The following PRB2 variants were observed in gnomAD, a reference collection of about 807,000 sequenced individuals.
The protein encoded by PRB2 is basic salivary proline-rich protein 2.
In PRB2, 12 loss-of-function variants were observed where a neutral mutation model predicts 8.3. That is an observed-to-expected ratio of 1.45 (90% CI 0.93 to 2.35). The LOEUF (loss-of-function observed/expected upper bound fraction) is 2.35, where lower values mean the gene tolerates loss of function less well. Among genes scored for constraint, PRB2 ranks in the 30% most tolerant of loss-of-function variants. PRB2 has a pLI of 0.00. For missense variants in PRB2, 470 were observed against 507.0 expected, an observed-to-expected ratio of 0.93 and a Z score of 0.70; for synonymous variants, 146 against 180.0, an observed-to-expected ratio of 0.81 and a Z score of 1.51.
chr12:11,394,702 A>C (rs1864383122), intron 1 of PRB2, among the ~76,000 whole-genome samples, 172 bp from the exon 2 acceptor site: 1 of 152,170 alleles, frequency 6.6e-6, no homozygotes, highest in South Asian at 2.1e-4. Flanking sequence ...AAGGGGAGGC[A>C]GGGTTGTTAT....
In PRB2 at chr12:11,393,154, G is replaced by A. The variant is rs781467440; in HGVS notation, c.924C>T (p.Pro308=). Reference sequence around the variant, plus strand: ...CTTGAGGCTGGTTGCCTCCTTGTGGGGGTGGTCCTTGTGGCTTTCCTGGAG... The same window carrying A: ...CTTGAGGCTGGTTGCCTCCTTGTGGAGGTGGTCCTTGTGGCTTTCCTGGAG... The part of the protein sequence containing the change: ...RSPPGKPQGP[P]PQGGNQPQGP... Residue 308 remains proline, a synonymous_variant, in exon 3 of 4, where the codon CCC becomes CCT. Coordinates refer to ENST00000389362, the MANE Select transcript of PRB2 (RefSeq NM_006248.4). 3.1e-6 allele frequency: 5 copies of A among 1,597,670 alleles called. 1 individual carries two copies. The South Asian group carries it at 5.6e-5, about 18-fold the overall frequency.
At position 11,392,974 on chromosome 12, in the gene PRB2, T is replaced by C. The variant is rs767957287; in HGVS notation, c.1104A>G (p.Gly368=). The change falls in exon 3 of 4, where the codon GGA becomes GGG. Residue 368 remains glycine, a synonymous_variant. Coordinates refer to ENST00000389362, the MANE Select transcript of PRB2 (RefSeq NM_006248.4). The part of the protein sequence containing the change: ...SARSPPGKPQ[G]PPQQEGNNPQ... ...GATTGTTGCCTTCTTGTTGGGGTGG[T>C]CCTTGTGGCTTTCCTGGAGGAGATC... 1 of 1,612,352 alleles carries C rather than the reference T, an allele frequency of 6.2e-7. No individual in the cohort carries two copies. The highest frequency in any genetic ancestry group is 1.1e-5 in the South Asian group (1 of 90,820).
In PRB2 at chr12:11,393,708, G is replaced by T; in HGVS notation, c.370C>A (p.Gln124Lys). ...GGACCTTGAGGCTGGTTGCCTCCTT[G>T]TGGGGGTGGTCCTTGTGGCTTTCCT... ...PPGKPQGPPP[Q>K]GGNQPQGPPP... Residue 124 changes from glutamine (Q) to lysine (K), a missense_variant, in exon 3 of 4, where the codon CAA becomes AAA. Gln to Lys is a moderately conservative substitution (Grantham distance 53). This residue lies in a region of PRB2 where 211 missense variants were observed against 207.7 expected (regional missense o/e 1.02). Transcript: ENST00000389362. The T allele has an allele frequency of 3.1e-6, 5 of 1,599,656 alleles. No homozygotes were observed. The highest frequency in any genetic ancestry group is 4.3e-6 in the Non-Finnish European group (5 of 1,173,222).
At chr12:11,394,595 T>A (rs1864380904) in intron 1 of PRB2, 65 bp from the exon 2 acceptor site, 2 of 1,583,178 alleles carry the variant, frequency 1.3e-6, no homozygotes, top group Admixed American at 1.7e-5. Context: ...TCACAAGTGT[T>A]CTACAGGGAA....
At chr12:11,394,574 C>G (rs774419133) in intron 1 of PRB2, 44 bp from the exon 2 acceptor site, 1 of 1,601,836 alleles carries the variant, frequency 6.2e-7, no homozygotes, top group African/African-American at 1.3e-5. Context: ...ACATCTTGAA[C>G]CTTACAAGAC....
rs1864360894 is a variant in PRB2 at position 11,393,761 on chromosome 12, T to C, written c.317A>G (p.Asp106Gly). The C allele has an allele frequency of 1.3e-6, 2 of 1,594,734 alleles. No homozygotes were observed. The highest frequency in any genetic ancestry group is 1.7e-6 in the Non-Finnish European group (2 of 1,172,696). The stretch of plus-strand genomic sequence containing the variant: ...AGGAGATCGGGGACTTCGGGACTTG[T>C]CTCCTTGTGGGGGTGGTCCTTGTGG... ...GKPQGPPPQG[D>G]KSRSPRSPPG... Residue 106 changes from aspartate (D) to glycine (G), a missense_variant, in exon 3 of 4, where the codon GAC (aspartate) becomes GGC (glycine). Physicochemically the swap from Asp to Gly is moderately conservative, Grantham distance 94. Around this residue, in one of 4 missense-constraint regions of PRB2, gnomAD observed 211 missense variants for 207.7 expected, o/e 1.02. Transcript: ENST00000389362.
Position 11,395,462 on chromosome 12 carries a change from T to G in PRB2, c.64+4A>C, listed in dbSNP as rs1211158293. 1 of 1,613,850 alleles carries G rather than the reference T, an allele frequency of 6.2e-7. No individual in the cohort carries two copies. The highest frequency in any genetic ancestry group is 1.1e-5 in the South Asian group (1 of 91,074). ...CACCACATCTTCTCCCCCTTCTGTT[T>G]TACCTTCATTTAAGTTCTGAGCTGA... On this transcript the variant is annotated splice_donor_region_variant and intron_variant, in intron 1 of 3. Coordinates refer to ENST00000389362, the MANE Select transcript of PRB2 (RefSeq NM_006248.4).
chr12:11,394,385 CATT>C, intron 2 of PRB2, 107 bp downstream of exon 2: 1 of 1,343,076 alleles, frequency 7.4e-7, no homozygotes, highest in Non-Finnish European at 1.1e-6. Flanking sequence ...GGAGCACTAA[CATT>C]AATCAATTCC....
chr12:11,394,638 T>C lies in PRB2; in HGVS notation c.65-108A>G. The C allele has an allele frequency of 2.9e-6, 4 of 1,371,412 alleles. No individual in the cohort carries two copies. The South Asian group carries it at 4.7e-5, about 16-fold the overall frequency. The allele number at this position is 1,371,412 out of a possible 1,614,324, so 85.0% of individuals were successfully genotyped here. A position where few individuals can be genotyped will look rare whatever the true frequency, so the allele number is the denominator to read the frequency against. On this transcript the variant is annotated intron_variant, in intron 1 of 3. Transcript: ENST00000389362. Reference sequence around the variant, plus strand: ...TTCTCACCACACCCCATGCATCCCCTAAGTTAACTCATCAGCCACCATCTG... The same window carrying C: ...TTCTCACCACACCCCATGCATCCCCCAAGTTAACTCATCAGCCACCATCTG...
Position 11,395,526 on chromosome 12 carries a change from G to A in PRB2, c.4C>T (p.Leu2=), listed in dbSNP as rs753212527. M[L]LILLSVALLA... is the part of the protein sequence containing the mutation. ...AAGGCCACTGACAGCAGAATCAACA[G>A]CATCTTGCAGGAGGCTCTGGAGTCA... The change falls in exon 1 of 4, where the codon CTG becomes TTG. Residue 2 remains leucine, a synonymous_variant. Coordinates refer to ENST00000389362, the MANE Select transcript of PRB2 (RefSeq NM_006248.4). The A allele has an allele frequency of 6.8e-6, 11 of 1,612,722 alleles. No homozygotes were observed. In the South Asian group the frequency reaches 8.8e-5, roughly 13 times the overall value.
chr12:11,392,790 A>T lies in PRB2; in HGVS notation c.*33+4T>A. 1 of 1,404,412 alleles carries T rather than the reference A, an allele frequency of 7.1e-7. No individual in the cohort carries two copies. Among genetic ancestry groups the T allele is most frequent in the East Asian group, 2.4e-5 (1 of 41,744 alleles). The allele number at this position is 1,404,412 out of a possible 1,614,324, so 87.0% of individuals were successfully genotyped here. A position where few individuals can be genotyped will look rare whatever the true frequency, so the allele number is the denominator to read the frequency against. On this transcript the variant is annotated splice_donor_region_variant and intron_variant, in intron 3 of 3. Transcript: ENST00000389362. The stretch of plus-strand genomic sequence containing the variant: ...ACTTGGTGAAGAATAAACTGGAATC[A>T]TACCTGTCATTGAATCCTAGATGAC...
At chr12:11,395,425 C>T in intron 1 of PRB2, 41 bp downstream of exon 1, 1 of 1,612,758 alleles carries the variant, frequency 6.2e-7, no homozygotes, top group Non-Finnish European at 8.5e-7. Flanking sequence ...CCTCCTAAGC[C>T]CCAAGCAGAG....
Position 11,392,866 on chromosome 12 carries a change from G to C in PRB2, c.1212C>G (p.Arg404=), listed in dbSNP as rs1864335589. The C allele has an allele frequency of 6.3e-7, 1 of 1,578,154 alleles. No homozygotes were observed. The highest frequency in any genetic ancestry group is 1.5e-5 in the African/African-American group (1 of 67,212). Residue 404 remains arginine, a synonymous_variant, in exon 3 of 4, where the codon CGC becomes CGG. Transcript: ENST00000389362. ...PPAGQPQGPP[R]PPQGGRPSRP... is the part of the protein sequence containing the mutation. Reference sequence around the variant, plus strand: ...TGGAAGGTCTGCCCCCTTGAGGAGGGCGTGGTGGTCCCTGGGGCTGTCCAG... The same window carrying C: ...TGGAAGGTCTGCCCCCTTGAGGAGGCCGTGGTGGTCCCTGGGGCTGTCCAG...
intron 2 of PRB2, 87 bp from the exon 3 acceptor site, chr12:11,394,064 G>A: frequency 1.9e-6 from 3 of 1,546,298 alleles, no homozygotes; most frequent in Non-Finnish European, 2.7e-6. Context: ...ATCAGTTTGG[G>A]TAACAAGCTG....
intron 1 of PRB2, 31 bp from the exon 2 acceptor site, chr12:11,394,561 G>A: frequency 6.2e-7 from 1 of 1,610,542 alleles, no homozygotes; most frequent in Non-Finnish European, 8.5e-7. Flanking sequence ...GATGGGAACA[G>A]TTACATCTTG....
intron 2 of PRB2, 94 bp from the exon 3 acceptor site, chr12:11,394,071 G>T: frequency 6.6e-7 from 1 of 1,505,168 alleles, no homozygotes; most frequent in Non-Finnish European, 9.2e-7. Context: ...TGGGTAACAA[G>T]CTGAGTGGGG....
chr12:11,395,082 C>T (rs1284354428), intron 1 of PRB2, among the ~76,000 whole-genome samples: 2 of 152,098 alleles, frequency 1.3e-5, no homozygotes, highest in East Asian at 1.9e-4. Context: ...GTGTGTCTAT[C>T]GCCGTCATCG....
At position 11,393,001 on chromosome 12, in the gene PRB2, G is replaced by A. The variant is rs371851266; in HGVS notation, c.1077C>T (p.Ala359=). The part of the protein sequence containing the change: ...PPQGGSKSRS[A]RSPPGKPQGP... The stretch of plus-strand genomic sequence containing the variant: ...CTTGTGGCTTTCCTGGAGGAGATCG[G>A]GCACTTCGGGACTTGCTGCCTCCTT... The change falls in exon 3 of 4, where the codon GCC becomes GCT. Residue 359 remains alanine (A), a synonymous_variant. Coordinates refer to ENST00000389362, the MANE Select transcript of PRB2 (RefSeq NM_006248.4). The A allele has an allele frequency of 2.7e-4, 437 of 1,605,588 alleles. 3 individuals carry two copies. In the African/African-American group the frequency reaches 4.5e-3, roughly 17 times the overall value.
At position 11,393,650 on chromosome 12, in the gene PRB2, G is replaced by A. The variant is rs1378721937; in HGVS notation, c.428C>T (p.Pro143Leu). Residue 143 changes from proline to leucine, a missense_variant, in exon 3 of 4, where the codon CCC becomes CTC. By Grantham distance (98) the Pro-to-Leu change is moderately conservative. Coordinates refer to ENST00000389362, the MANE Select transcript of PRB2 (RefSeq NM_006248.4). Reference protein sequence around the residue: ...PPPPGKPQGPPPQGGNKPQGP... With the variant: ...PPPPGKPQGPLPQGGNKPQGP... The stretch of plus-strand genomic sequence containing the variant: ...TTGAGGTTTGTTGCCTCCTTGTGGG[G>A]GTGGTCCTTGTGGCTTTCCTGGAGG... The A allele has an allele frequency of 2.6e-6, 4 of 1,560,432 alleles. No homozygotes were observed. The highest frequency in any genetic ancestry group is 1.8e-5 in the Admixed American group (1 of 54,880).
Sources: gnomAD v4.1 joint callset for allele counts (sites outside exome capture counted in the v4.1 genomes callset) on GRCh38, gnomAD v4.1.1 for gene constraint, gnomAD v4.1.1 regional missense constraint, MANE v1.5 for transcripts, NCBI Gene and HGNC (gene_info 2026-07-23, HGNC 2026-07-21) for gene names.